Variants in AUTS2 observed in about 807,000 individuals in gnomAD.
AUTS2 encodes the protein autism susceptibility gene 2 protein.
Under a neutral mutation model 112.4 loss-of-function variants are expected in AUTS2, and 17 were observed. That is an observed-to-expected ratio of 0.15 (90% CI 0.10 to 0.23). The LOEUF is 0.23. Among genes scored for constraint, AUTS2 ranks in the 10% least tolerant of loss-of-function variants. The pLI, the probability that AUTS2 is intolerant of heterozygous loss-of-function variation, is 1.00. For missense variants in AUTS2, 1,510 were observed against 1,701.6 expected (o/e 0.89, Z 1.98); for synonymous variants, 751 against 702.7 (o/e 1.07, Z -1.09).
chr7:70,116,235 C>T (rs1805349870), intron 2 of AUTS2, among the ~76,000 whole-genome samples: 1 of 152,160 alleles, frequency 6.6e-6, no homozygotes, highest in African/African-American at 2.4e-5. Context: ...TTCTGGGCTC[C>T]TTTGCAGAAG....
intron 4 of AUTS2, among the ~76,000 whole-genome samples, chr7:70,219,405 T>C (rs752665023): frequency 6.6e-5 from 10 of 152,198 alleles, no homozygotes; most frequent in Admixed American, 2.0e-4. Flanking sequence ...ATATATGATG[T>C]GGAAAAGTTC....
intron 2 of AUTS2, among the ~76,000 whole-genome samples, chr7:70,015,390 T>A (rs756377127): frequency 2.6e-4 from 40 of 152,164 alleles, no homozygotes; most frequent in Non-Finnish European, 5.1e-4. Context: ...AACAAAAAAT[T>A]GAGGTTAAAT....
At chr7:70,454,502 A>G (rs1796656872) in intron 5 of AUTS2, among the ~76,000 whole-genome samples, 2 of 152,068 alleles carry the variant, frequency 1.3e-5, no homozygotes, top group Admixed American at 1.3e-4. Flanking sequence ...ACGCCATTGC[A>G]CTCCACCCTG....
In AUTS2 at chr7:70,311,900, G is replaced by C. The variant is rs1053002573; in HGVS notation, c.661-123852G>C. 3.3e-4 allele frequency among the ~76,000 whole-genome samples: 51 copies of C among 152,330 alleles called. 1 individual carries two copies. Among genetic ancestry groups the C allele is most frequent in the African/African-American group, 1.2e-3 (50 of 41,586 alleles). Reference sequence around the variant, plus strand: ...CTGGCTAATTTTTGTATTTTTAGTAGAGACGGGGTTTCACCGTGTTAGCCA... The same window carrying C: ...CTGGCTAATTTTTGTATTTTTAGTACAGACGGGGTTTCACCGTGTTAGCCA... On this transcript the variant is annotated intron_variant, in intron 4 of 18. Transcript: ENST00000342771.
intron 4 of AUTS2, among the ~76,000 whole-genome samples, chr7:70,163,345 G>GGT (rs1491547711): frequency 3.4e-4 from 10 of 29,136 alleles, no homozygotes; most frequent in Non-Finnish European, 8.3e-4. Flanking sequence ...TTGTGGTGGT[G>GGT]GGGGGGGGGG....
chr7:69,623,784 TCAATGAATGATC>T (rs991323417), intron 1 of AUTS2, among the ~76,000 whole-genome samples: 2 of 152,058 alleles, frequency 1.3e-5, no homozygotes, highest in African/African-American at 2.4e-5. Flanking sequence ...AGTGTACAGC[TCAATGAATGATC>T]CAATGAATGA....
chr7:69,772,354 T>C (rs976980871), intron 1 of AUTS2, among the ~76,000 whole-genome samples: 2 of 152,250 alleles, frequency 1.3e-5, no homozygotes, highest in African/African-American at 4.8e-5. Context: ...CTCTTACTTG[T>C]TCAATAAATG....
rs545127382 is a variant in AUTS2 at position 70,631,298 on chromosome 7, G to A, written c.691-67271G>A. 5.9e-5 allele frequency among the ~76,000 whole-genome samples: 9 copies of A among 152,282 alleles called. No individual in the cohort carries two copies. The highest frequency in any genetic ancestry group is 1.9e-4 in the East Asian group (1 of 5,176). On this transcript the variant is annotated intron_variant, in intron 5 of 18. Coordinates refer to ENST00000342771, the MANE Select transcript of AUTS2 (RefSeq NM_015570.4). The surrounding 1 kb of genome is among the most constrained non-coding windows in gnomAD (Gnocchi z 4.5). Reference sequence around the variant, plus strand: ...GGGCCCGGCTTGCTGCGGGCTGGCCGGGCTGCTGGCTCGCCTTGAAGAGAA... The same window carrying A: ...GGGCCCGGCTTGCTGCGGGCTGGCCAGGCTGCTGGCTCGCCTTGAAGAGAA...
At chr7:70,609,706 C>T (rs1300049135) in intron 5 of AUTS2, among the ~76,000 whole-genome samples, 2 of 151,910 alleles carry the variant, frequency 1.3e-5, no homozygotes, top group East Asian at 1.9e-4. Flanking sequence ...GGATTACAGG[C>T]GTGAGCCACC....
rs549059299 is a variant in AUTS2, at chr7:70,391,445, C to T, written c.661-44307C>T. ...GCAAATAAAATACAACAAAACTCAC[C>T]GCAGAAGTCCCCTACATTGAACTGT... On this transcript the variant is annotated intron_variant, in intron 4 of 18. Coordinates refer to ENST00000342771, the MANE Select transcript of AUTS2 (RefSeq NM_015570.4). 3.9e-4 allele frequency among the ~76,000 whole-genome samples: 59 copies of T among 152,190 alleles called. No homozygotes were observed. The Middle Eastern group carries it at 0.01, about 26-fold the overall frequency.
intron 1 of AUTS2, among the ~76,000 whole-genome samples, chr7:69,678,656 C>G (rs1796671907): frequency 1.3e-5 from 2 of 152,180 alleles, no homozygotes. Flanking sequence ...TTTCCAATCT[C>G]TCTCAACTTT....
chr7:70,068,931 G>A (rs549595477), intron 2 of AUTS2, among the ~76,000 whole-genome samples: 1 of 152,340 alleles, frequency 6.6e-6, no homozygotes, highest in African/African-American at 2.4e-5. Context: ...CAGAAGGATT[G>A]ATGTAGTGAT....
At chr7:70,029,119 T>C (rs1800656535) in intron 2 of AUTS2, among the ~76,000 whole-genome samples, 1 of 152,186 alleles carries the variant, frequency 6.6e-6, no homozygotes, top group South Asian at 2.1e-4. Flanking sequence ...TTTGTTATTT[T>C]ATCTTTCTGT....
intron 1 of AUTS2, among the ~76,000 whole-genome samples, chr7:69,890,118 C>T (rs545901837): frequency 6.6e-6 from 1 of 152,198 alleles, no homozygotes; most frequent in Non-Finnish European, 1.5e-5. Context: ...GGCTGAGAGC[C>T]TAAACTGTTT....
At chr7:70,351,582 G>A (rs1050683553) in intron 4 of AUTS2, among the ~76,000 whole-genome samples, 2 of 152,094 alleles carry the variant, frequency 1.3e-5, no homozygotes, top group African/African-American at 4.8e-5. Context: ...TTAAATTTTG[G>A]TGGGGTCTTC....
intron 4 of AUTS2, among the ~76,000 whole-genome samples, chr7:70,390,546 A>C (rs901025444): frequency 1.3e-5 from 2 of 152,210 alleles, no homozygotes; most frequent in Non-Finnish European, 2.9e-5. Flanking sequence ...GAGGGTGTGC[A>C]AAAGAACACT....
At chr7:70,772,516 T>C (rs773597056) in intron 11 of AUTS2, among the ~76,000 whole-genome samples, 1 of 152,206 alleles carries the variant, frequency 6.6e-6, no homozygotes, top group Non-Finnish European at 1.5e-5. Flanking sequence ...CTGTGTGCCA[T>C]TGGGTTTTCG....
chr7:70,042,542 A>G (rs1584625655), intron 2 of AUTS2, among the ~76,000 whole-genome samples: 1 of 152,328 alleles, frequency 6.6e-6, no homozygotes, highest in East Asian at 1.9e-4. Context: ...CTCTGAAAAA[A>G]AGTAAAGCAA....
chr7:70,719,905 T>A (rs1810574437), intron 6 of AUTS2, among the ~76,000 whole-genome samples: 1 of 152,228 alleles, frequency 6.6e-6, no homozygotes, highest in Non-Finnish European at 1.5e-5. Context: ...TTTAGGATGA[T>A]GTTACTTAAG....
Sources: allele counts gnomAD v4.1 joint callset (sites outside exome capture counted in the v4.1 genomes callset), GRCh38; gene constraint gnomAD v4.1.1; non-coding constraint Gnocchi (gnomAD v3.1); transcripts MANE v1.5; gene names NCBI Gene and HGNC (gene_info 2026-07-23, HGNC 2026-07-21).